The following STPG2 variants were observed in gnomAD, a reference collection of about 807,000 sequenced individuals.
STPG2 encodes the protein sperm tail PG-rich repeat containing 2.
STPG2 carries 56 observed loss-of-function variants against 54.2 expected under a neutral mutation model. The observed-to-expected ratio is 1.03, with a 90% CI of 0.83 to 1.29. The LOEUF is 1.29. Ranked by LOEUF, STPG2 falls within the 50% of genes most tolerant of loss-of-function variation. The pLI is 0.00. For missense variants in STPG2, 596 were observed against 544.9 expected (o/e 1.09, Z -0.93); for synonymous variants, 200 against 181.8 (o/e 1.10, Z -0.81).
chr4:97,749,295 C>T (rs1385460644), intron 9 of STPG2, among the ~76,000 whole-genome samples: 2 of 151,658 alleles, frequency 1.3e-5, no homozygotes, highest in African/African-American at 4.8e-5. Context: ...CTTTGTCATA[C>T]TAACACTATA....
At chr4:97,488,340 G>T (rs1227050359) in intron 4 of STPG2, among the ~76,000 whole-genome samples, 1 of 151,632 alleles carries the variant, frequency 6.6e-6, no homozygotes, top group East Asian at 1.9e-4. Context: ...TTAATCTCAA[G>T]AAAAGTCCTA....
At chr4:97,986,116 A>G (rs1050980646) in intron 5 of STPG2, among the ~76,000 whole-genome samples, 1 of 152,196 alleles carries the variant, frequency 6.6e-6, no homozygotes, top group Non-Finnish European at 1.5e-5. Flanking sequence ...ATTAAAAATC[A>G]TGTTAATTTT....
At chr4:97,987,300 T>C (rs186872735) in intron 5 of STPG2, among the ~76,000 whole-genome samples, 70 of 152,170 alleles carry the variant, frequency 4.6e-4, no homozygotes, top group Non-Finnish European at 1.5e-4. Context: ...GAAAGAAAAA[T>C]GAAAAATGAC....
At chr4:97,514,194 A>C (rs1731029602) in intron 4 of STPG2, among the ~76,000 whole-genome samples, 2 of 152,070 alleles carry the variant, frequency 1.3e-5, no homozygotes. Context: ...TATGCTATGA[A>C]AGGAGGTTTT....
chr4:97,956,185 C>A (rs1434816406), intron 7 of STPG2, among the ~76,000 whole-genome samples: 2 of 152,036 alleles, frequency 1.3e-5, no homozygotes, highest in African/African-American at 4.8e-5. Context: ...TGTTCTGAGT[C>A]AGTCTTATTG....
intron 10 of STPG2, among the ~76,000 whole-genome samples, chr4:97,665,385 G>A (rs79365245): frequency 0.066 from 10,065 of 152,206 alleles, 414 homozygotes; most frequent in South Asian, 0.17. Flanking sequence ...CCAACAGTGC[G>A]TAGCTCCTTT....
chr4:97,795,531 T>C (rs937467338), intron 9 of STPG2, among the ~76,000 whole-genome samples: 10 of 152,342 alleles, frequency 6.6e-5, no homozygotes, highest in Middle Eastern at 3.4e-3. Context: ...TGAACTCATC[T>C]TTTTTATGGC....
intron 10 of STPG2, among the ~76,000 whole-genome samples, chr4:97,598,665 A>G (rs972246818): frequency 2.0e-5 from 3 of 152,202 alleles, no homozygotes; most frequent in African/African-American, 7.2e-5. Context: ...AAAACAAGCA[A>G]CGGGAAAATA....
At chr4:97,607,891 C>A (rs2148912218) in intron 10 of STPG2, among the ~76,000 whole-genome samples, 1 of 152,054 alleles carries the variant, frequency 6.6e-6, no homozygotes, top group South Asian at 2.1e-4. Flanking sequence ...CCCCTAGACC[C>A]CACACAAGTA....
Position 98,042,183 on chromosome 4 carries a change from C to CT in STPG2, c.613-60866dup, listed in dbSNP as rs564231561. Among the ~76,000 whole-genome samples, 957 of 150,820 alleles carry CT rather than the reference C, an allele frequency of 6.3e-3. 10 individuals are homozygous for CT. Among genetic ancestry groups the CT allele is most frequent in the African/African-American group, 0.022 (896 of 41,118 alleles). ...TTTATGAGATCATTCATAAGTGTGT[C>CT]TTTTTTCATTTCTGATTCTTTATTT... is the stretch of plus-strand genomic sequence containing the variant. On this transcript the variant is annotated intron_variant, in intron 5 of 10. Coordinates refer to ENST00000295268, the MANE Select transcript of STPG2 (RefSeq NM_174952.3).
At chr4:97,689,604 A>G (rs1479086698) in intron 10 of STPG2, among the ~76,000 whole-genome samples, 1 of 152,164 alleles carries the variant, frequency 6.6e-6, no homozygotes, top group Non-Finnish European at 1.5e-5. Flanking sequence ...GGAAGAAAAC[A>G]AATGTTAATG....
At chr4:97,725,624 CAG>C (rs367811747) in intron 9 of STPG2, among the ~76,000 whole-genome samples, 1 of 150,210 alleles carries the variant, frequency 6.7e-6, no homozygotes. Context: ...AGTAAAAAGG[CAG>C]AGAGAGAGAA....
At chr4:97,555,525 T>C (rs897464775), downstream of STPG2, among the ~76,000 whole-genome samples, 1 of 152,184 alleles carries the variant, frequency 6.6e-6, no homozygotes, top group African/African-American at 2.4e-5. Flanking sequence ...ATAAGATTAC[T>C]GTAGAAAGAA....
chr4:97,806,439 A>G (rs890642927), intron 9 of STPG2, among the ~76,000 whole-genome samples: 1 of 152,164 alleles, frequency 6.6e-6, no homozygotes, highest in Non-Finnish European at 1.5e-5. Context: ...TGACAGGATC[A>G]TTCATACCCC....
intron 5 of STPG2, among the ~76,000 whole-genome samples, chr4:98,022,146 T>G (rs1334616194): frequency 6.6e-6 from 1 of 152,194 alleles, no homozygotes; most frequent in Non-Finnish European, 1.5e-5. Flanking sequence ...GTTTTTGCAG[T>G]GGCTGGTACT....
chr4:97,503,451 C>T (rs1730769506), intron 4 of STPG2, among the ~76,000 whole-genome samples: 1 of 151,650 alleles, frequency 6.6e-6, no homozygotes, highest in East Asian at 1.9e-4. Flanking sequence ...AATGTACCAA[C>T]TAATTCTTAT....
chr4:97,909,072 CCAT>C (rs1731574461), intron 8 of STPG2, among the ~76,000 whole-genome samples: 1 of 149,012 alleles, frequency 6.7e-6, no homozygotes, highest in African/African-American at 2.5e-5. Context: ...AATAAACAAC[CCAT>C]CAAGCCCCAA....
chr4:97,786,487 T>C (rs1192575053), intron 9 of STPG2, among the ~76,000 whole-genome samples: 1 of 152,118 alleles, frequency 6.6e-6, no homozygotes, highest in Non-Finnish European at 1.5e-5. Flanking sequence ...GCAGTAGCTC[T>C]CCCTTAGTGC....
intron 5 of STPG2, among the ~76,000 whole-genome samples, chr4:98,033,086 A>G (rs1277905054): frequency 6.6e-6 from 1 of 151,170 alleles, no homozygotes; most frequent in Non-Finnish European, 1.5e-5. Context: ...GAAATAATTA[A>G]GATTAGAGCA....
Sources: gnomAD v4.1 joint callset for allele counts (sites outside exome capture counted in the v4.1 genomes callset) on GRCh38, gnomAD v4.1.1 for gene constraint, MANE v1.5 for transcripts, NCBI Gene and HGNC (gene_info 2026-07-23, HGNC 2026-07-21) for gene names.